CIAO3: variants seen among roughly 807,000 people sequenced by gnomAD.
CIAO3 encodes cytosolic iron-sulfur assembly component 3.
A neutral mutation model predicts 51.5 loss-of-function variants in CIAO3; 45 were observed. The ratio of observed to expected loss-of-function variants is 0.87; its 90% CI spans 0.69 to 1.12. The LOEUF (loss-of-function observed/expected upper bound fraction) is 1.12, where lower values mean the gene tolerates loss of function less well. Ranked by LOEUF, CIAO3 falls within the 50% of genes most tolerant of loss-of-function variation. CIAO3 has a pLI of 0.00. For missense variants in CIAO3, 668 were observed against 632.5 expected (o/e 1.06, Z -0.60); for synonymous variants, 314 against 269.3 (o/e 1.17, Z -1.63).
rs531929725 is a variant in CIAO3 at position 730,343 on chromosome 16, C to T, written c.*74G>A. 664 of 1,456,780 alleles carry T rather than the reference C, an allele frequency of 4.6e-4. 1 individual carries two copies. The African/African-American group carries it at 7.8e-3, about 17-fold the overall frequency. 90.2% of individuals were successfully genotyped at this position (1,456,780 alleles called of 1,614,324 possible). ...GCTCACTCAGAATTTTGGGGGAAGC[C>T]CTGGGGTCTTGGGGCATGTGGTTCT... On this transcript the variant is annotated 3_prime_UTR_variant, in exon 11 of 11. Transcript: ENST00000251588.
Position 740,951 on chromosome 16 carries a change from G to C in CIAO3, c.35C>G (p.Thr12Arg), listed in dbSNP as rs1441459409. 7 of 1,520,164 alleles carry C rather than the reference G, an allele frequency of 4.6e-6. No homozygotes were observed. The highest frequency in any genetic ancestry group is 2.6e-5 in the East Asian group (1 of 38,700). 94.2% of individuals were successfully genotyped at this position (1,520,164 alleles called of 1,614,324 possible). A position where few individuals can be genotyped will look rare whatever the true frequency, so the allele number is the denominator to read the frequency against. Residue 12 changes from threonine to arginine, a missense_variant, in exon 1 of 11, where the codon ACG becomes AGG. By Grantham distance (71) the Thr-to-Arg change is moderately conservative. Transcript: ENST00000251588. ...CGGCCCGATGAAGTCATCCAGGTCC[G>C]TCAGCTGCAGCGCCCCGCTGAAGGG... ...ASPFSGALQL[T>R]DLDDFIGPSQ...
intron 2 of CIAO3, among the ~76,000 whole-genome samples, chr16:738,764 C>T (rs1469230699): frequency 1.1e-4 from 17 of 151,780 alleles, no homozygotes; most frequent in South Asian, 2.1e-4. Context: ...TCTCCTGCCT[C>T]ACCCTCTTGA....
intron 9 of CIAO3, 70 bp from the exon 10 acceptor site, chr16:731,070 C>A: frequency 6.3e-7 from 1 of 1,584,812 alleles, no homozygotes; most frequent in South Asian, 1.1e-5. Flanking sequence ...GAAGGGGAGG[C>A]CTGCTGGGCT....
At chr16:736,016 T>C (rs908315585) in intron 4 of CIAO3, among the ~76,000 whole-genome samples, 1 of 152,156 alleles carries the variant, frequency 6.6e-6, no homozygotes, top group East Asian at 1.9e-4. Flanking sequence ...AGCTAAAAAG[T>C]ACAAGGAGTT....
At chr16:739,803 C>T in intron 1 of CIAO3, 65 bp from the exon 2 acceptor site, 5 of 1,523,198 alleles carry the variant, frequency 3.3e-6, no homozygotes, top group Non-Finnish European at 4.5e-6. Context: ...GGAGGCCAGG[C>T]CTCAAGGATG....
rs1422562363 is a variant in CIAO3, at chr16:730,946, G to A, written c.1089C>T (p.His363=). ...TGCGGAAGCCGTACGCCATTGCGAA[G>A]TGCAGCAGCACCTGGCCCTCCTTCT... is the stretch of plus-strand genomic sequence containing the variant. ...TLEKEGQVLL[H]FAMAYGFRNI... The change falls in exon 10 of 11, where the codon CAC becomes CAT. Residue 363 remains histidine, a synonymous_variant. Coordinates refer to ENST00000251588, the MANE Select transcript of CIAO3 (RefSeq NM_022493.3). 1 of 1,612,898 alleles carries A rather than the reference G, an allele frequency of 6.2e-7. No homozygotes were observed. Among genetic ancestry groups the A allele is most frequent in the African/African-American group, 1.3e-5 (1 of 74,958 alleles).
chr16:739,625 C>A lies in CIAO3; in HGVS notation c.162+18G>T. 2 of 1,609,682 alleles carry A rather than the reference C, an allele frequency of 1.2e-6. No individual in the cohort carries two copies. The highest frequency in any genetic ancestry group is 8.5e-7 in the Non-Finnish European group (1 of 1,175,956). On this transcript the variant is annotated intron_variant, in intron 2 of 10. Coordinates refer to ENST00000251588, the MANE Select transcript of CIAO3 (RefSeq NM_022493.3). ...CAGCCGGGCAGGAGAGATGGTGGAG[C>A]AGCCTCCTGTGCCTTACTTGGTTAA...
intron 6 of CIAO3, chr16:733,655 T>G: frequency 1.7e-6 from 1 of 578,124 alleles, no homozygotes. Context: ...CTGCGCTCCC[T>G]AACAGCCAAG....
rs779908074 is a variant in CIAO3, at chr16:732,387, A to G, written c.824-14T>C. 1 of 1,612,582 alleles carries G rather than the reference A, an allele frequency of 6.2e-7. No homozygotes were observed. The highest frequency in any genetic ancestry group is 1.3e-5 in the African/African-American group (1 of 75,060). On this transcript the variant is annotated splice_polypyrimidine_tract_variant and intron_variant, in intron 7 of 10. Coordinates refer to ENST00000251588, the MANE Select transcript of CIAO3 (RefSeq NM_022493.3). ...TGAAAACTTCTCCTGCAAAGAAGCCACAGCGCAGACACTCTTTAGCGGAGA... is the reference window on the plus strand; with the variant it reads ...TGAAAACTTCTCCTGCAAAGAAGCCGCAGCGCAGACACTCTTTAGCGGAGA...
intron 8 of CIAO3, 138 bp from the exon 9 acceptor site, chr16:731,840 T>A: frequency 8.4e-7 from 1 of 1,189,630 alleles, no homozygotes; most frequent in Admixed American, 3.1e-5. Context: ...ACAGCTCCTG[T>A]GTCACCAGCC....
rs747649200 is a variant in CIAO3 at position 730,602 on chromosome 16, G to A, written c.1246C>T (p.Leu416Phe). 5 of 1,610,574 alleles carry A rather than the reference G, an allele frequency of 3.1e-6. No individual in the cohort carries two copies. Among genetic ancestry groups the A allele is most frequent in the South Asian group, 1.1e-5 (1 of 91,088 alleles). Residue 416 changes from leucine (L) to phenylalanine (F), a missense_variant, in exon 11 of 11, where the codon CTC becomes TTC. By Grantham distance (22) the Leu-to-Phe change is conservative. Coordinates refer to ENST00000251588, the MANE Select transcript of CIAO3 (RefSeq NM_022493.3). ...TACAGTCTCTCCACGTGCTGGAGGA[G>A]CTCTCTGCTGGGCCTGTCTGGGGCC... ...LQAPDRPSRELLQHVERLYGM... is the reference protein window; with the variant it reads ...LQAPDRPSREFLQHVERLYGM...
rs1028544413 is a variant in CIAO3 at position 737,129 on chromosome 16, C to A, written c.306+57G>T. Reference sequence around the variant, plus strand: ...AGCTGCCCTTGGCAAAACGCGTTGTCGGCTGCTGGGATGGATTTCAGGTTA... The same window carrying A: ...AGCTGCCCTTGGCAAAACGCGTTGTAGGCTGCTGGGATGGATTTCAGGTTA... On this transcript the variant is annotated intron_variant, in intron 3 of 10. Transcript: ENST00000251588. The surrounding 1 kb of genome is among the most constrained non-coding windows in gnomAD (Gnocchi z 5.3). The A allele has an allele frequency of 6.2e-7, 1 of 1,603,242 alleles. No homozygotes were observed. Among genetic ancestry groups the A allele is most frequent in the African/African-American group, 1.3e-5 (1 of 74,888 alleles).
Position 737,429 on chromosome 16 carries a change from C to A in CIAO3, c.163-100G>T, listed in dbSNP as rs2041350949. ...AGCTCATAACCGACAACCAACATGGCTGCTGGCTGGGCTTGTGTGCCGCTG... is the reference window on the plus strand; with the variant it reads ...AGCTCATAACCGACAACCAACATGGATGCTGGCTGGGCTTGTGTGCCGCTG... On this transcript the variant is annotated intron_variant, in intron 2 of 10. Transcript: ENST00000251588. The surrounding 1 kb of genome is among the most constrained non-coding windows in gnomAD (Gnocchi z 5.3). 3.8e-6 allele frequency: 6 copies of A among 1,586,660 alleles called. No individual in the cohort carries two copies. The East Asian group carries it at 9.0e-5, about 24-fold the overall frequency.
At chr16:740,293 C>T (rs2041378305) in intron 1 of CIAO3, 3 of 363,998 alleles carry the variant, frequency 8.2e-6, no homozygotes, top group Admixed American at 3.7e-5. Context: ...GGCAGGTGCA[C>T]CCAGAAAAGG....
In CIAO3 at chr16:740,946, G is replaced by A. The variant is rs1422546671; in HGVS notation, c.40C>T (p.Leu14=). 4 of 1,522,300 alleles carry A rather than the reference G, an allele frequency of 2.6e-6. 1 individual carries two copies. The South Asian group carries it at 4.8e-5, about 18-fold the overall frequency. The allele number at this position is 1,522,300 out of a possible 1,614,324, so 94.3% of individuals were successfully genotyped here. ...TGAGACGGCCCGATGAAGTCATCCA[G>A]GTCCGTCAGCTGCAGCGCCCCGCTG... is the stretch of plus-strand genomic sequence containing the variant. The part of the protein sequence containing the change: ...PFSGALQLTD[L]DDFIGPSQEC... Residue 14 remains leucine (L), a synonymous_variant, in exon 1 of 11, where the codon CTG becomes TTG. Coordinates refer to ENST00000251588, the MANE Select transcript of CIAO3 (RefSeq NM_022493.3).
In CIAO3 at chr16:731,680, C is replaced by G. The variant is rs2041284672; in HGVS notation, c.919G>C (p.Glu307Gln). The G allele has an allele frequency of 1.9e-6, 3 of 1,557,820 alleles. No homozygotes were observed. The South Asian group carries it at 3.5e-5, about 18-fold the overall frequency. The change falls in exon 9 of 11, where the codon GAG (glutamate) becomes CAG (glutamine). Residue 307 changes from glutamate to glutamine, a missense_variant. Glu to Gln is a conservative substitution (Grantham distance 29). Transcript: ENST00000251588. ...CCCCCTCCCCGATGGCTGGTGGGCT[C>G]CTCTGCAGAGGCACCGCTGCACCTG... is the stretch of plus-strand genomic sequence containing the variant. ...DSLCSGASAEEPTSHRGGGSG... is the reference protein window; with the variant it reads ...DSLCSGASAEQPTSHRGGGSG...
In CIAO3 at chr16:730,485, C is replaced by G; in HGVS notation, c.1363G>C (p.Gly455Arg). Residue 455 changes from glycine (G) to arginine (R), a missense_variant, in exon 11 of 11, where the codon GGT (glycine) becomes CGT (arginine). By Grantham distance (125) the Gly-to-Arg change is moderately radical. Coordinates refer to ENST00000251588, the MANE Select transcript of CIAO3 (RefSeq NM_022493.3). ...WLQGTDSECA[G>R]RLLHTQYHAV... ...TGGTACTGCGTATGCAGCAAGCGACCTGCACACTCCGAGTCCGTGCCCTGC... is the reference window on the plus strand; with the variant it reads ...TGGTACTGCGTATGCAGCAAGCGACGTGCACACTCCGAGTCCGTGCCCTGC... 1 of 1,609,256 alleles carries G rather than the reference C, an allele frequency of 6.2e-7. No individual in the cohort carries two copies. The highest frequency in any genetic ancestry group is 1.1e-5 in the South Asian group (1 of 91,092).
chr16:740,150 TTC>T, intron 1 of CIAO3: 20 of 1,275,414 alleles, frequency 1.6e-5, no homozygotes, highest in Non-Finnish European at 2.1e-5. Context: ...ACAAGTGGAT[TTC>T]TCTCTCTTCT....
Position 730,846 on chromosome 16 carries a change from A to C in CIAO3, c.1189T>G (p.Ser397Ala). ...TCCTGTCCCTTGCAGGAGCTACCTG[A>C]GGGGCAGGCCATGACCTCCACGTAG... ...YHYVEVMACPSGCLNGGGQLQ... is the reference protein window; with the variant it reads ...YHYVEVMACPAGCLNGGGQLQ... The change falls in exon 10 of 11, where the codon TCA (serine) becomes GCA (alanine). Residue 397 changes from serine to alanine, a missense_variant. Physicochemically the swap from Ser to Ala is moderately conservative, Grantham distance 99. Coordinates refer to ENST00000251588, the MANE Select transcript of CIAO3 (RefSeq NM_022493.3). 6.2e-7 allele frequency: 1 copy of C among 1,612,590 alleles called. No homozygotes were observed.
Sources: allele counts gnomAD v4.1 joint callset (sites outside exome capture counted in the v4.1 genomes callset), GRCh38; gene constraint gnomAD v4.1.1; non-coding constraint Gnocchi (gnomAD v3.1); transcripts MANE v1.5; gene names NCBI Gene and HGNC (gene_info 2026-07-23, HGNC 2026-07-21).